HTR2A: variants seen among roughly 807,000 people sequenced by gnomAD.
HTR2A encodes 5-hydroxytryptamine receptor 2A, also known as 5-HT2 receptor.
In HTR2A, 14 loss-of-function variants were observed where a neutral mutation model predicts 31.0. The ratio of observed to expected loss-of-function variants is 0.45; its 90% confidence interval spans 0.30 to 0.71. The LOEUF is 0.71. Among genes scored for constraint, HTR2A ranks in the 30% least tolerant of loss-of-function variants. HTR2A has a pLI of 0.09. For missense variants in HTR2A, 442 were observed against 573.3 expected (o/e 0.77, Z 2.34); for synonymous variants, 209 against 225.2 (o/e 0.93, Z 0.64).
chr13:46,875,150 C>T (rs1432673769), intron 3 of HTR2A, among the ~76,000 whole-genome samples: 1 of 152,036 alleles, frequency 6.6e-6, no homozygotes, highest in African/African-American at 2.4e-5. Flanking sequence ...AATAATATGT[C>T]GAGTGGGAAT....
In HTR2A at chr13:46,895,488, C is replaced by T. The variant is rs1323523232; in HGVS notation, c.412+7G>A. On this transcript the variant is annotated splice_region_variant and intron_variant, in intron 2 of 3. Transcript: ENST00000542664. The surrounding 1 kb of genome is among the most constrained non-coding windows in gnomAD (Gnocchi z 4.4). ...GCGAATATAGCTGGGAAACTAATGC[C>T]ACTCACCATACAGGATGGTTAACAT... 6.2e-6 allele frequency: 10 copies of T among 1,610,882 alleles called. No homozygotes were observed. The highest frequency in any genetic ancestry group is 1.7e-5 in the Admixed American group (1 of 59,926).
At chr13:46,866,177 C>T (rs1950816889) in intron 3 of HTR2A, among the ~76,000 whole-genome samples, 1 of 152,220 alleles carries the variant, frequency 6.6e-6, no homozygotes, top group African/African-American at 2.4e-5. Context: ...AGACTTCTGA[C>T]AATTCCTGTT....
intron 2 of HTR2A, among the ~76,000 whole-genome samples, chr13:46,893,407 C>T (rs934150037): frequency 6.6e-6 from 1 of 152,172 alleles, no homozygotes; most frequent in Non-Finnish European, 1.5e-5. Context: ...CCGGGTGATG[C>T]TGATGCTGCT....
At chr13:46,886,841 C>T (rs1005324893) in intron 3 of HTR2A, among the ~76,000 whole-genome samples, 2 of 152,078 alleles carry the variant, frequency 1.3e-5, no homozygotes, top group Non-Finnish European at 2.9e-5. Context: ...AGTAGTCTTA[C>T]GATGTTGAGG....
In HTR2A at chr13:46,835,575, A is replaced by G. The variant is rs377528749; in HGVS notation, c.678T>C (p.Ser226=). The G allele has an allele frequency of 4.8e-4, 767 of 1,613,836 alleles. 11 individuals are homozygous for G. In the South Asian group the frequency reaches 7.5e-3, roughly 16 times the overall value. The change falls in exon 4 of 4, where the codon AGT becomes AGC. Residue 226 remains serine (S), a synonymous_variant. Coordinates refer to ENST00000542664, the MANE Select transcript of HTR2A (RefSeq NM_000621.5). The part of the protein sequence containing the change: ...QDDSKVFKEG[S]CLLADDNFVL... Reference sequence around the variant, plus strand: ...CAAAGTTATCATCGGCGAGTAAGCAACTCCCCTCCTTAAAGACCTTCGAAT... The same window carrying G: ...CAAAGTTATCATCGGCGAGTAAGCAGCTCCCCTCCTTAAAGACCTTCGAAT...
At position 46,835,131 on chromosome 13, in the gene HTR2A, T is replaced by G. The variant is rs368541492; in HGVS notation, c.1122A>C (p.Ala374=). Residue 374 remains alanine, a synonymous_variant, in exon 4 of 4, where the codon GCA becomes GCC. Transcript: ENST00000542664. The stretch of plus-strand genomic sequence containing the variant: ...ACAGTGTGTAGACTAGTGGGTTGAC[T>G]GCTGAAGAGAGATAACCGATCCAAA... The part of the protein sequence containing the change: ...VFVWIGYLSS[A]VNPLVYTLFN... The G allele has an allele frequency of 1.2e-6, 2 of 1,613,970 alleles. No homozygotes were observed. The highest frequency in any genetic ancestry group is 8.5e-7 in the Non-Finnish European group (1 of 1,179,954).
intron 3 of HTR2A, among the ~76,000 whole-genome samples, chr13:46,851,935 T>A (rs114004162): frequency 2.5e-3 from 381 of 152,292 alleles, no homozygotes; most frequent in African/African-American, 8.7e-3. Flanking sequence ...ATAATTAGAG[T>A]GCCCTGGATT....
chr13:46,852,968 G>GTTT (rs201263915), intron 3 of HTR2A, among the ~76,000 whole-genome samples: 1 of 147,684 alleles, frequency 6.8e-6, no homozygotes, highest in Non-Finnish European at 1.5e-5. Flanking sequence ...TAGTTCTAGG[G>GTTT]CTTTTTTTTT....
intron 3 of HTR2A, among the ~76,000 whole-genome samples, chr13:46,880,290 G>A (rs1286113989): frequency 4.6e-5 from 7 of 152,140 alleles, no homozygotes; most frequent in Admixed American, 3.3e-4. Flanking sequence ...GCATGGTGAC[G>A]ATTCCTATCT....
chr13:46,874,224 T>C (rs1950888263), intron 3 of HTR2A, among the ~76,000 whole-genome samples: 1 of 152,152 alleles, frequency 6.6e-6, no homozygotes, highest in Non-Finnish European at 1.5e-5. Context: ...GAAACAGACA[T>C]CAAATCTGAA....
At chr13:46,838,338 G>A (rs1013749201) in intron 3 of HTR2A, among the ~76,000 whole-genome samples, 19 of 152,170 alleles carry the variant, frequency 1.2e-4, no homozygotes, top group Non-Finnish European at 2.2e-4. Context: ...TTCATCTATC[G>A]TGGGAGGCTG....
intron 3 of HTR2A, among the ~76,000 whole-genome samples, chr13:46,879,620 G>A (rs1217773945): frequency 6.6e-6 from 1 of 152,208 alleles, no homozygotes; most frequent in Non-Finnish European, 1.5e-5. Context: ...AATTGTGCAT[G>A]ATGGTCTTTT....
rs549069573 is a variant in HTR2A at position 46,843,785 on chromosome 13, A to G, written c.614-8146T>C. Among the ~76,000 whole-genome samples, 6 of 152,264 alleles carry G rather than the reference A, an allele frequency of 3.9e-5. No individual in the cohort carries two copies. In the East Asian group the frequency reaches 5.8e-4, roughly 15 times the overall value. On this transcript the variant is annotated intron_variant, in intron 3 of 3. Coordinates refer to ENST00000542664, the MANE Select transcript of HTR2A (RefSeq NM_000621.5). The stretch of plus-strand genomic sequence containing the variant: ...AATGAGTAGGGGCTCCAGGATTTCT[A>G]TGTAGCAGGGGCTTAGGAGTGGCGG...
chr13:46,857,803 A>C (rs1950749368), intron 3 of HTR2A, among the ~76,000 whole-genome samples: 2 of 152,200 alleles, frequency 1.3e-5, no homozygotes, highest in Non-Finnish European at 2.9e-5. Context: ...AGAGAGAGGA[A>C]CCTGGGGAGG....
intron 3 of HTR2A, among the ~76,000 whole-genome samples, chr13:46,859,085 C>T (rs1289070741): frequency 6.6e-6 from 1 of 152,180 alleles, no homozygotes; most frequent in Non-Finnish European, 1.5e-5. Flanking sequence ...ACTACTTTAT[C>T]TTTTGAAAGA....
At chr13:46,874,303 C>T (rs558135355) in intron 3 of HTR2A, among the ~76,000 whole-genome samples, 110 of 152,194 alleles carry the variant, frequency 7.2e-4, no homozygotes, top group African/African-American at 2.6e-3. Context: ...AGTAAGGTCC[C>T]GAGTGTAAAA....
chr13:46,866,193 G>A (rs1009635797), intron 3 of HTR2A, among the ~76,000 whole-genome samples: 4 of 152,088 alleles, frequency 2.6e-5, no homozygotes, highest in Admixed American at 1.3e-4. Context: ...CTGTTTATAG[G>A]GTTCGGAGCA....
chr13:46,847,182 C>T lies in HTR2A; in HGVS notation c.614-11543G>A, dbSNP rs998501516. 5.3e-5 allele frequency among the ~76,000 whole-genome samples: 8 copies of T among 152,334 alleles called. No individual in the cohort carries two copies. The South Asian group carries it at 6.2e-4, about 12-fold the overall frequency. On this transcript the variant is annotated intron_variant, in intron 3 of 3. Coordinates refer to ENST00000542664, the MANE Select transcript of HTR2A (RefSeq NM_000621.5). ...GCAGGCACCCACTTCACTTGACCTA[C>T]GGCATGATTTGTAGCTGCTGTAATT...
chr13:46,851,314 C>T (rs1950683192), intron 3 of HTR2A, among the ~76,000 whole-genome samples: 1 of 152,028 alleles, frequency 6.6e-6, no homozygotes, highest in Non-Finnish European at 1.5e-5. Context: ...TCTAATCAGC[C>T]AAATAGTTTA....
Sources: gnomAD v4.1 joint callset for allele counts (sites outside exome capture counted in the v4.1 genomes callset) on GRCh38, gnomAD v4.1.1 for gene constraint, Gnocchi (gnomAD v3.1) non-coding constraint, MANE v1.5 for transcripts, NCBI Gene and HGNC (gene_info 2026-07-23, HGNC 2026-07-21) for gene names.